PAK2: variants seen among roughly 807,000 people sequenced by gnomAD.
The protein encoded by PAK2 is p21 (RAC1) activated kinase 2, also known as serine/threonine-protein kinase PAK 2.
PAK2 carries 21 observed loss-of-function variants against 65.9 expected under a neutral mutation model. The ratio of observed to expected loss-of-function variants is 0.32; its 90% CI spans 0.23 to 0.46. The LOEUF (loss-of-function observed/expected upper bound fraction) is 0.46. Among genes scored for constraint, PAK2 ranks in the 20% least tolerant of loss-of-function variants. The probability of loss-of-function intolerance (pLI) is 1.00; values close to 1 mark genes in which losing one functional copy is unlikely to be tolerated. For missense variants in PAK2, 324 were observed against 642.6 expected, an observed-to-expected ratio of 0.50 and a Z score of 5.36; for synonymous variants, 204 against 219.7, an observed-to-expected ratio of 0.93 and a Z score of 0.63.
intron 14 of PAK2, among the ~76,000 whole-genome samples, 185 bp from the exon 15 acceptor site, chr3:196,828,134 T>A (rs1560121818): frequency 6.6e-6 from 1 of 152,260 alleles, no homozygotes; most frequent in East Asian, 1.9e-4. Context: ...CTAAAATGAT[T>A]CTGCTTTCAT....
chr3:196,784,796 C>T lies in PAK2; in HGVS notation c.187+1963C>T, dbSNP rs576499251. Among the ~76,000 whole-genome samples, 1,167 of 151,278 alleles carry T rather than the reference C, an allele frequency of 7.7e-3. 17 individuals carry two copies. The highest frequency in any genetic ancestry group is 0.026 in the African/African-American group (1,071 of 41,164). On this transcript the variant is annotated intron_variant, in intron 2 of 14. Coordinates refer to ENST00000327134, the MANE Select transcript of PAK2 (RefSeq NM_002577.4). ...TGCTAGTTCTAGATCCCTGAGGAAT[C>T]GCCACACTGACTTCCACAATGGTTG...
Position 196,751,696 on chromosome 3 carries a change from A to ATTACC in PAK2, c.-22+11541_-22+11542insACCTT, listed in dbSNP as rs1553799695. On this transcript the variant is annotated intron_variant, in intron 1 of 14. Transcript: ENST00000327134. ...ATACATATATATATATATATATATAATTCAGGCTATATATAAAAGGCATTT... is the reference window on the plus strand; with the variant it reads ...ATACATATATATATATATATATATAATTACCTTCAGGCTATATATAAAAGGCATTT... 6.7e-3 allele frequency among the ~76,000 whole-genome samples: 482 copies of ATTACC among 72,298 alleles called. 15 individuals are homozygous for ATTACC. The highest frequency in any genetic ancestry group is 0.021 in the Admixed American group (125 of 6,016). The allele number at this position is 72,298 out of a possible 152,430, so 47.4% of individuals were successfully genotyped here.
intron 12 of PAK2, among the ~76,000 whole-genome samples, chr3:196,818,753 G>A (rs4916559): frequency 0.41 from 62,294 of 151,922 alleles, 13,801 homozygotes; most frequent in African/African-American, 0.58. Context: ...ACTTTTGGAT[G>A]ACATTTTTTT....
At chr3:196,810,735 C>A in intron 8 of PAK2, 82 bp downstream of exon 8, 1 of 766,588 alleles carries the variant, frequency 1.3e-6, no homozygotes, top group African/African-American at 1.7e-5. Flanking sequence ...TTTTGCCTGC[C>A]GACATCAAGT....
At chr3:196,768,969 C>T (rs1351316258) in intron 1 of PAK2, among the ~76,000 whole-genome samples, 3 of 151,752 alleles carry the variant, frequency 2.0e-5, no homozygotes, top group African/African-American at 7.3e-5. Context: ...GCCCGGCCTA[C>T]TTTTATTTTT....
rs749666867 is a variant in PAK2 at position 196,782,638 on chromosome 3, T to A, written c.-9T>A. 1 of 1,558,604 alleles carries A rather than the reference T, an allele frequency of 6.4e-7. No homozygotes were observed. The highest frequency in any genetic ancestry group is 8.7e-7 in the Non-Finnish European group (1 of 1,144,870). On this transcript the variant is annotated 5_prime_UTR_variant, in exon 2 of 15. Transcript: ENST00000327134. ...TTTCCAATTCCAGGCCATTTCATAA[T>A]TCTGAATCATGTCTGATAACGGAGA...
chr3:196,750,283 C>T (rs1317297980), intron 1 of PAK2, among the ~76,000 whole-genome samples: 1 of 152,120 alleles, frequency 6.6e-6, no homozygotes, highest in East Asian at 1.9e-4. Context: ...AGCCACCGTG[C>T]CTGGCCTATA....
chr3:196,771,876 A>C (rs187820875), intron 1 of PAK2, among the ~76,000 whole-genome samples: 4 of 152,072 alleles, frequency 2.6e-5, no homozygotes, highest in African/African-American at 9.7e-5. Flanking sequence ...CATATTTTCT[A>C]TCTCATTGTC....
intron 5 of PAK2, 74 bp downstream of exon 5, chr3:196,805,457 T>C: frequency 1.3e-6 from 1 of 754,210 alleles, no homozygotes; most frequent in Non-Finnish European, 2.2e-6. Context: ...AGTTTTTATT[T>C]TGCTTTCTAA....
intron 8 of PAK2, among the ~76,000 whole-genome samples, chr3:196,811,825 C>T (rs548470527): frequency 6.6e-6 from 1 of 152,088 alleles, no homozygotes; most frequent in East Asian, 1.9e-4. Flanking sequence ...ATGATGAACA[C>T]CAAATACAGG....
At chr3:196,741,525 C>G (rs1047367580) in intron 1 of PAK2, among the ~76,000 whole-genome samples, 1 of 152,172 alleles carries the variant, frequency 6.6e-6, no homozygotes. Context: ...ACTTATTAGC[C>G]AAGCACATTG....
At chr3:196,780,824 T>C (rs1714683150) in intron 1 of PAK2, among the ~76,000 whole-genome samples, 1 of 152,226 alleles carries the variant, frequency 6.6e-6, no homozygotes, top group African/African-American at 2.4e-5. Flanking sequence ...GAGTCTTGCT[T>C]TGTCGCCAGG....
chr3:196,782,451 G>A (rs894883344), intron 1 of PAK2, among the ~76,000 whole-genome samples, 175 bp from the exon 2 acceptor site: 8 of 152,002 alleles, frequency 5.3e-5, no homozygotes, highest in Non-Finnish European at 1.0e-4. Flanking sequence ...CTTTGTTGGG[G>A]GTAAACTCAA....
chr3:196,751,619 C>T (rs1467461808), intron 1 of PAK2, among the ~76,000 whole-genome samples: 1 of 138,104 alleles, frequency 7.2e-6, no homozygotes, highest in Non-Finnish European at 1.5e-5. Context: ...TGCAGTCCAG[C>T]CTGGGTGACA....
chr3:196,803,339 G>A (rs1195232255), intron 4 of PAK2, among the ~76,000 whole-genome samples, 175 bp downstream of exon 4: 1 of 152,178 alleles, frequency 6.6e-6, no homozygotes, highest in East Asian at 1.9e-4. Flanking sequence ...GCATAATTTG[G>A]ATCTGTGAAT....
At chr3:196,788,971 A>G (rs1461235638) in intron 2 of PAK2, among the ~76,000 whole-genome samples, 1 of 152,238 alleles carries the variant, frequency 6.6e-6, no homozygotes, top group African/African-American at 2.4e-5. Flanking sequence ...ATTCTATGCT[A>G]CAGAGCTCAC....
chr3:196,750,979 C>A (rs1186512976), intron 1 of PAK2, among the ~76,000 whole-genome samples: 2 of 152,078 alleles, frequency 1.3e-5, no homozygotes, highest in African/African-American at 4.8e-5. Context: ...CATCTGTCTT[C>A]AGAATTTTTT....
intron 2 of PAK2, 28 bp from the exon 3 acceptor site, chr3:196,801,896 ATTC>A: frequency 8.9e-7 from 1 of 1,122,160 alleles, no homozygotes; most frequent in East Asian, 2.3e-5. Context: ...AAATAGGCTG[ATTC>A]TTTCTCTTTT....
chr3:196,805,372 G>T lies in PAK2; in HGVS notation c.457G>T (p.Gly153Ter). 7.0e-7 allele frequency: 1 copy of T among 1,438,166 alleles called. No individual in the cohort carries two copies. Among genetic ancestry groups the T allele is most frequent in the Admixed American group, 2.3e-5 (1 of 44,232 alleles). 89.1% of individuals were successfully genotyped at this position (1,438,166 alleles called of 1,614,324 possible). ...TPPEKDGFPS[G>*]TPALNAKGTE... ...TTCAGAGAAAGATGGCTTTCCTTCTGGAACACCAGCAGTAAGTTAATTATA... is the reference window on the plus strand; with the variant it reads ...TTCAGAGAAAGATGGCTTTCCTTCTTGAACACCAGCAGTAAGTTAATTATA... The change falls in exon 5 of 15, where the codon GGA becomes TGA. Residue 153 changes from glycine (G) to a stop codon, truncating the protein, a stop_gained. Coordinates refer to ENST00000327134, the MANE Select transcript of PAK2 (RefSeq NM_002577.4). LOFTEE classifies it high-confidence loss of function.
Sources: allele counts gnomAD v4.1 joint callset (sites outside exome capture counted in the v4.1 genomes callset), GRCh38; gene constraint gnomAD v4.1.1; transcripts MANE v1.5; gene names NCBI Gene and HGNC (gene_info 2026-07-23, HGNC 2026-07-21).